The following SNTG1 variants were observed in gnomAD, a reference collection of about 807,000 sequenced individuals.
SNTG1 encodes gamma-1-syntrophin.
A neutral mutation model predicts 74.7 loss-of-function variants in SNTG1; 39 were observed. The ratio of observed to expected loss-of-function variants is 0.52; its 90% CI spans 0.40 to 0.68. The LOEUF is 0.68. Ranked by LOEUF, SNTG1 falls within the 30% of genes least tolerant of loss-of-function variation. The probability of loss-of-function intolerance (pLI) is 0.00; values close to 1 mark genes in which losing one functional copy is unlikely to be tolerated. For missense variants in SNTG1, 685 were observed against 609.5 expected, an observed-to-expected ratio of 1.12 and a Z score of -1.30; for synonymous variants, 254 against 217.1, an observed-to-expected ratio of 1.17 and a Z score of -1.49.
chr8:50,467,235 G>A (rs1228069734), intron 8 of SNTG1, among the ~76,000 whole-genome samples: 1 of 151,724 alleles, frequency 6.6e-6, no homozygotes, highest in Non-Finnish European at 1.5e-5. Context: ...AAATAGTGGA[G>A]GATTAGTATT....
intron 2 of SNTG1, among the ~76,000 whole-genome samples, chr8:50,201,975 T>C (rs1468065257): frequency 1.3e-5 from 2 of 152,122 alleles, no homozygotes; most frequent in Non-Finnish European, 2.9e-5. Flanking sequence ...ATGAGGATTT[T>C]TAACCCACGT....
At chr8:50,206,919 C>G (rs1470204808) in intron 2 of SNTG1, among the ~76,000 whole-genome samples, 3 of 152,148 alleles carry the variant, frequency 2.0e-5, no homozygotes, top group Admixed American at 6.5e-5. Flanking sequence ...ATGAAGCCAA[C>G]TTGATTGTGA....
intron 2 of SNTG1, among the ~76,000 whole-genome samples, chr8:50,250,052 T>C (rs1468268708): frequency 1.3e-5 from 2 of 149,698 alleles, no homozygotes; most frequent in African/African-American, 5.0e-5. Flanking sequence ...TATAAGAGGA[T>C]CTAGAAAAAA....
chr8:50,538,195 T>C (rs1427971816), intron 11 of SNTG1, among the ~76,000 whole-genome samples: 2 of 152,160 alleles, frequency 1.3e-5, no homozygotes, highest in African/African-American at 4.8e-5. Context: ...GATTCCTTTA[T>C]CTTTCCTGTT....
At chr8:50,426,527 A>G (rs2093165512) in intron 4 of SNTG1, among the ~76,000 whole-genome samples, 1 of 151,822 alleles carries the variant, frequency 6.6e-6, no homozygotes, top group Admixed American at 6.6e-5. Flanking sequence ...CAGCTATACA[A>G]TGTGTTTGTG....
chr8:50,313,715 T>C (rs777283483), intron 2 of SNTG1, among the ~76,000 whole-genome samples: 23 of 150,050 alleles, frequency 1.5e-4, no homozygotes, highest in Non-Finnish European at 3.2e-4. Flanking sequence ...TTATCTTTTA[T>C]ATACTTGCAG....
chr8:50,746,011 T>C (rs2095554325), intron 17 of SNTG1, among the ~76,000 whole-genome samples: 1 of 151,954 alleles, frequency 6.6e-6, no homozygotes, highest in Admixed American at 6.6e-5. Context: ...GTAAAAATCA[T>C]TACGATGCTA....
chr8:50,763,747 A>G (rs2095605745), intron 18 of SNTG1, among the ~76,000 whole-genome samples: 1 of 146,438 alleles, frequency 6.8e-6, no homozygotes, highest in Non-Finnish European at 1.5e-5. Flanking sequence ...GGAAAAATTA[A>G]TGTTGTTAAA....
At chr8:50,123,734 A>G (rs1381907459) in intron 1 of SNTG1, among the ~76,000 whole-genome samples, 1 of 142,040 alleles carries the variant, frequency 7.0e-6, no homozygotes, top group Non-Finnish European at 1.6e-5. Context: ...GGCCAAAAGA[A>G]GGGACATCTT....
rs1399405998 is a variant in SNTG1 at position 50,454,261 on chromosome 8, C to T, written c.363+3532C>T. On this transcript the variant is annotated intron_variant, in intron 8 of 18. Coordinates refer to ENST00000642720, the MANE Select transcript of SNTG1 (RefSeq NM_018967.5). ...CCTGTAATCCCAGCACTTTGGGAGG[C>T]CGAGGTGGGCAGATCACGAGGTCAG... is the stretch of plus-strand genomic sequence containing the variant. Among the ~76,000 whole-genome samples the T allele has an allele frequency of 4.6e-5, 7 of 152,134 alleles. 1 individual carries two copies. The East Asian group carries it at 1.4e-3, about 30-fold the overall frequency.
intron 1 of SNTG1, among the ~76,000 whole-genome samples, chr8:50,011,368 ATTG>A (rs1001138162): frequency 3.9e-5 from 6 of 152,142 alleles, no homozygotes; most frequent in African/African-American, 1.2e-4. Flanking sequence ...CATGATACTT[ATTG>A]TTAGCCCAAT....
intron 2 of SNTG1, among the ~76,000 whole-genome samples, chr8:50,210,488 G>T (rs1382803226): frequency 1.3e-5 from 2 of 152,132 alleles, no homozygotes; most frequent in African/African-American, 2.4e-5. Context: ...GAAAGGTAGG[G>T]TTACCCACAA....
Position 50,685,330 on chromosome 8 carries a change from C to T in SNTG1, c.1039-19270C>T, listed in dbSNP as rs1052504579. The stretch of plus-strand genomic sequence containing the variant: ...TATGCCATTTAAACTACCAGTCCTC[C>T]AGGGTAATAATGGTGTCCAGGAGTT... On this transcript the variant is annotated intron_variant, in intron 15 of 18. Coordinates refer to ENST00000642720, the MANE Select transcript of SNTG1 (RefSeq NM_018967.5). Among the ~76,000 whole-genome samples the T allele has an allele frequency of 3.3e-5, 5 of 152,302 alleles. No homozygotes were observed. The East Asian group carries it at 9.7e-4, about 29-fold the overall frequency.
chr8:50,740,044 TTCTAGA>T (rs2095539215), intron 17 of SNTG1, among the ~76,000 whole-genome samples: 1 of 152,068 alleles, frequency 6.6e-6, no homozygotes, highest in Non-Finnish European at 1.5e-5. Context: ...GGCAATACCA[TTCTAGA>T]CATAGGACTG....
chr8:50,686,924 A>T (rs1032935837), intron 15 of SNTG1, among the ~76,000 whole-genome samples: 16 of 151,370 alleles, frequency 1.1e-4, no homozygotes, highest in Non-Finnish European at 1.6e-4. Context: ...TCATGAGGTC[A>T]GGAGATCGAG....
chr8:50,733,236 T>C (rs1230621255), intron 17 of SNTG1, among the ~76,000 whole-genome samples: 1 of 152,084 alleles, frequency 6.6e-6, no homozygotes, highest in Non-Finnish European at 1.5e-5. Flanking sequence ...TCCATCTCTA[T>C]CCATGCTGTT....
At chr8:50,379,435 C>A (rs1203365929) in intron 2 of SNTG1, among the ~76,000 whole-genome samples, 1 of 152,146 alleles carries the variant, frequency 6.6e-6, no homozygotes, top group Admixed American at 6.5e-5. Flanking sequence ...AGGGGCAGGG[C>A]TCCCTCCTGC....
chr8:50,484,213 C>CTTTCTTCCTTCT (rs1563454080), intron 8 of SNTG1, among the ~76,000 whole-genome samples: 1 of 109,010 alleles, frequency 9.2e-6, no homozygotes, highest in Non-Finnish European at 1.8e-5. Flanking sequence ...TCCTTCCTTC[C>CTTTCTTCCTTCT]TTCTTTCTTT....
At chr8:49,916,243 A>G (rs1323704061) in intron 1 of SNTG1, among the ~76,000 whole-genome samples, 7 of 152,170 alleles carry the variant, frequency 4.6e-5, no homozygotes, top group Non-Finnish European at 1.5e-5. Context: ...ATAAAATGAA[A>G]AAGAACTGAG....
Sources: gnomAD v4.1 joint callset for allele counts (sites outside exome capture counted in the v4.1 genomes callset) on GRCh38, gnomAD v4.1.1 for gene constraint, MANE v1.5 for transcripts, NCBI Gene and HGNC (gene_info 2026-07-23, HGNC 2026-07-21) for gene names.